The following STAB1 variants were observed in gnomAD, a reference collection of about 807,000 sequenced individuals.
STAB1 encodes the protein stabilin 1.
Under a neutral mutation model 332.4 loss-of-function variants are expected in STAB1, and 250 were observed. The observed-to-expected ratio is 0.75, with a 90% CI of 0.68 to 0.84. The LOEUF (loss-of-function observed/expected upper bound fraction) is 0.84. Among genes scored for constraint, STAB1 ranks in the 40% least tolerant of loss-of-function variants. STAB1 has a pLI of 0.00. For missense variants in STAB1, 3,249 were observed against 3,489.7 expected (o/e 0.93, Z 1.74); for synonymous variants, 1,475 against 1,390.4 (o/e 1.06, Z -1.35).
intron 50 of STAB1, 129 bp downstream of exon 50, chr3:52,519,693 CAT>C (rs1313384126): frequency 1.3e-4 from 176 of 1,356,480 alleles, no homozygotes; most frequent in South Asian, 3.6e-4. Flanking sequence ...TGTGTGAACT[CAT>C]GTGTGCACAA....
chr3:52,497,599 G>T (rs1211745989), intron 1 of STAB1, among the ~76,000 whole-genome samples: 1 of 151,652 alleles, frequency 6.6e-6, no homozygotes, highest in East Asian at 1.9e-4. Flanking sequence ...TTTTATTAGA[G>T]ACAGGGTTTC....
chr3:52,501,301 C>A lies in STAB1; in HGVS notation c.214C>A (p.Arg72Ser). ...ELPDQITQDCRYEVQLGGSMV... is the reference protein window; with the variant it reads ...ELPDQITQDCSYEVQLGGSMV... ...CCCGGATCAGATAACCCAGGACTGC[C>A]GGTGCGGGCCACCCCTGTCCTTGCC... The change falls in exon 2 of 69, where the codon CGC (arginine) becomes AGC (serine). Residue 72 changes from arginine to serine, a missense_variant and splice_region_variant. By Grantham distance (110) the Arg-to-Ser change is moderately radical (BLOSUM62 -1). Coordinates refer to ENST00000321725, the MANE Select transcript of STAB1 (RefSeq NM_015136.3). 1 of 1,612,910 alleles carries A rather than the reference C, an allele frequency of 6.2e-7. No homozygotes were observed. The highest frequency in any genetic ancestry group is 8.5e-7 in the Non-Finnish European group (1 of 1,179,776).
rs79979831 is a variant in STAB1, at chr3:52,503,849, C to A, written c.969C>A (p.Pro323=). ...CGGGCTGCTTCGCCTTCTGCTCCCC[C>A]TTCTCCTGCGACCGGTCTGCCACTT... ...ASAGCFAFCS[P]FSCDRSATCQ... is the part of the protein sequence containing the mutation. Residue 323 remains proline, a synonymous_variant, in exon 9 of 69, where the codon CCC becomes CCA. Transcript: ENST00000321725. The A allele has an allele frequency of 6.2e-7, 1 of 1,613,252 alleles. No individual in the cohort carries two copies. The highest frequency in any genetic ancestry group is 1.1e-5 in the South Asian group (1 of 91,080).
At chr3:52,509,613 A>T in intron 22 of STAB1, 1 of 595,332 alleles carries the variant, frequency 1.7e-6, no homozygotes, top group Non-Finnish European at 3.0e-6. Flanking sequence ...TGCGGGACTT[A>T]GGTCAGACAC....
intron 5 of STAB1, among the ~76,000 whole-genome samples, 179 bp from the exon 6 acceptor site, chr3:52,502,453 G>T (rs1708520394): frequency 6.6e-6 from 1 of 152,188 alleles, no homozygotes; most frequent in African/African-American, 2.4e-5. Context: ...TGAGCCCCAG[G>T]CCGGGCCAGT....
At position 52,522,864 on chromosome 3, in the gene STAB1, T is replaced by A; in HGVS notation, c.6834T>A (p.Gly2278=). The A allele has an allele frequency of 6.2e-7, 1 of 1,613,170 alleles. No homozygotes were observed. The highest frequency in any genetic ancestry group is 1.1e-5 in the South Asian group (1 of 91,066). ...TCCCTGTGGCGGACTGTGGCAATGG[T>A]CGGGTGGGCATAGTCAGCCTGGGTG... is the stretch of plus-strand genomic sequence containing the variant. ...VVFPVADCGN[G]RVGIVSLGAR... The change falls in exon 62 of 69, where the codon GGT becomes GGA. Residue 2278 remains glycine (G), a synonymous_variant. Coordinates refer to ENST00000321725, the MANE Select transcript of STAB1 (RefSeq NM_015136.3).
Position 52,514,226 on chromosome 3 carries a change from G to C in STAB1, c.3546+13G>C. 1 of 1,612,728 alleles carries C rather than the reference G, an allele frequency of 6.2e-7. No homozygotes were observed. Among genetic ancestry groups the C allele is most frequent in the Non-Finnish European group, 8.5e-7 (1 of 1,179,878 alleles). On this transcript the variant is annotated intron_variant, in intron 33 of 68. Transcript: ENST00000321725. ...CAGCAGTCACCTGGTGAGGCCGTGG[G>C]GATGGGGCAATGGCAGGGAGGGCAA...
Position 52,510,039 on chromosome 3 carries a change from C to T in STAB1, c.2517C>T (p.Ser839=). The change falls in exon 23 of 69, where the codon AGC becomes AGT. Residue 839 remains serine, a synonymous_variant. Coordinates refer to ENST00000321725, the MANE Select transcript of STAB1 (RefSeq NM_015136.3). The part of the protein sequence containing the change: ...QHCHLHARCV[S]QEGVARCRCL... ...GCCACCTGCATGCCCGCTGTGTTAG[C>T]CAGGAGGGTGTTGCCAGGTGAGGAC... 6.2e-7 allele frequency: 1 copy of T among 1,609,004 alleles called. No individual in the cohort carries two copies. The highest frequency in any genetic ancestry group is 1.1e-5 in the South Asian group (1 of 90,636).
In STAB1 at chr3:52,514,208, C is replaced by A; in HGVS notation, c.3541C>A (p.His1181Asn). Residue 1181 changes from histidine (H) to asparagine (N), a missense_variant, in exon 33 of 69, where the codon CAC (histidine) becomes AAC (asparagine). Coordinates refer to ENST00000321725, the MANE Select transcript of STAB1 (RefSeq NM_015136.3). ...CCTGGAGGCCCAGGGCAACAGCAGT[C>A]ACCTGGTGAGGCCGTGGGGATGGGG... is the stretch of plus-strand genomic sequence containing the variant. ...RSLEAQGNSS[H>N]LDADTVRHHV... The A allele has an allele frequency of 6.2e-7, 1 of 1,613,128 alleles. No homozygotes were observed. Among genetic ancestry groups the A allele is most frequent in the East Asian group, 2.2e-5 (1 of 44,894 alleles).
chr3:52,505,783 T>G lies in STAB1; in HGVS notation c.1695+2T>G. The G allele has an allele frequency of 6.2e-7, 1 of 1,613,794 alleles. No homozygotes were observed. Among genetic ancestry groups the G allele is most frequent in the Admixed American group, 1.7e-5 (1 of 60,030 alleles). On this transcript the variant is annotated splice_donor_variant, in intron 15 of 68. Coordinates refer to ENST00000321725, the MANE Select transcript of STAB1 (RefSeq NM_015136.3). LOFTEE classifies it high-confidence loss of function. ...CGCCTGATCTACCTCTTCACAGCGG[T>G]AAGCTCAGCGGGAGAAGGGGCTGCG...
intron 44 of STAB1, 76 bp downstream of exon 44, chr3:52,517,700 T>A (rs538490848): frequency 6.4e-7 from 1 of 1,568,710 alleles, no homozygotes; most frequent in African/African-American, 1.4e-5. Context: ...CCTTCTCACC[T>A]CCAGCAGGGT....
intron 16 of STAB1, 103 bp from the exon 17 acceptor site, chr3:52,506,067 C>T: frequency 1.3e-6 from 2 of 1,497,848 alleles, no homozygotes; most frequent in South Asian, 1.2e-5. Context: ...TAGCACAGAG[C>T]CTAGGGACCA....
chr3:52,522,536 G>A lies in STAB1; in HGVS notation c.6611-19G>A. The A allele has an allele frequency of 1.2e-6, 2 of 1,613,070 alleles. No homozygotes were observed. The highest frequency in any genetic ancestry group is 1.7e-6 in the Non-Finnish European group (2 of 1,180,000). Reference sequence around the variant, plus strand: ...TCCTCAGAGCCGGCCAGCTGACCATGCACCCCTCCATTCTGCAGAGAAACG... The same window carrying A: ...TCCTCAGAGCCGGCCAGCTGACCATACACCCCTCCATTCTGCAGAGAAACG... On this transcript the variant is annotated intron_variant, in intron 60 of 68. Coordinates refer to ENST00000321725, the MANE Select transcript of STAB1 (RefSeq NM_015136.3).
chr3:52,516,281 A>G lies in STAB1; in HGVS notation c.4144+43A>G, dbSNP rs777862780. On this transcript the variant is annotated intron_variant, in intron 38 of 68. Transcript: ENST00000321725. ...GCGGGGGTGGGCCTCCTGGCAGCAG[A>G]GAGCAGCCTGGAGACCCCAGCCGGG... 4 of 1,607,692 alleles carry G rather than the reference A, an allele frequency of 2.5e-6. No individual in the cohort carries two copies. The Admixed American group carries it at 6.8e-5, about 27-fold the overall frequency.
chr3:52,519,457 A>ATCCTCCCTTCCCGCCTGGCC, intron 49 of STAB1, 48 bp from the exon 50 acceptor site: 1 of 1,612,090 alleles, frequency 6.2e-7, no homozygotes. Context: ...GGGGCCTGGG[A>ATCCTCCCTTCCCGCCTGGCC]TCCTCCCTTC....
Position 52,510,518 on chromosome 3 carries a change from G to C in STAB1, c.2787+11G>C. Reference sequence around the variant, plus strand: ...GTGGGCCCCGGGCAGGTGAGGTGCAGCAGAGAAGGGGTGGGGGCCTTGGTT... The same window carrying C: ...GTGGGCCCCGGGCAGGTGAGGTGCACCAGAGAAGGGGTGGGGGCCTTGGTT... On this transcript the variant is annotated intron_variant, in intron 25 of 68. Transcript: ENST00000321725. The C allele has an allele frequency of 6.2e-7, 1 of 1,610,192 alleles. No individual in the cohort carries two copies. Among genetic ancestry groups the C allele is most frequent in the South Asian group, 1.1e-5 (1 of 90,602 alleles).
At chr3:52,518,461 C>T in intron 46 of STAB1, 75 bp from the exon 47 acceptor site, 10 of 1,563,296 alleles carry the variant, frequency 6.4e-6, no homozygotes, top group South Asian at 2.3e-5. Flanking sequence ...CTCTCTGAGT[C>T]CAGGTCTTCC....
At chr3:52,500,256 G>A (rs1369769768) in intron 1 of STAB1, among the ~76,000 whole-genome samples, 1 of 152,154 alleles carries the variant, frequency 6.6e-6, no homozygotes, top group Non-Finnish European at 1.5e-5. Context: ...TGTCCCCTAG[G>A]CCAGGAGCAC....
At chr3:52,512,180 G>A (rs952540255) in intron 26 of STAB1, among the ~76,000 whole-genome samples, 161 bp from the exon 27 acceptor site, 1 of 152,262 alleles carries the variant, frequency 6.6e-6, no homozygotes, top group Non-Finnish European at 1.5e-5. Flanking sequence ...TGGAGAGCAG[G>A]GCTAGGCACA....
Sources: allele counts gnomAD v4.1 joint callset (sites outside exome capture counted in the v4.1 genomes callset), GRCh38; gene constraint gnomAD v4.1.1; transcripts MANE v1.5; gene names NCBI Gene and HGNC (gene_info 2026-07-23, HGNC 2026-07-21).